Variants in NRXN3 observed in about 807,000 individuals in gnomAD.
The protein encoded by NRXN3 is neurexin III.
NRXN3 carries 32 observed loss-of-function variants against 137.6 expected under a neutral mutation model. The ratio of observed to expected loss-of-function variants is 0.23; its 90% CI spans 0.18 to 0.31. The LOEUF (loss-of-function observed/expected upper bound fraction) is 0.31. NRXN3 is among the 10% of genes least tolerant of loss of function. The probability of loss-of-function intolerance (pLI) is 1.00; values close to 1 mark genes in which losing one functional copy is unlikely to be tolerated. For synonymous variants in NRXN3, 798 were observed against 784.5 expected, an observed-to-expected ratio of 1.02 and a Z score of -0.29; for missense variants, 1,574 against 2,062.5, an observed-to-expected ratio of 0.76 and a Z score of 4.59.
intron 4 of NRXN3, among the ~76,000 whole-genome samples, chr14:78,546,512 TA>T (rs963256721): frequency 6.6e-6 from 1 of 152,230 alleles, no homozygotes; most frequent in African/African-American, 2.4e-5. Flanking sequence ...TGTCTGTTTT[TA>T]ACTTTCACAT....
At chr14:79,694,023 A>G (rs929486888) in intron 18 of NRXN3, among the ~76,000 whole-genome samples, 5 of 151,946 alleles carry the variant, frequency 3.3e-5, no homozygotes, top group Admixed American at 3.3e-4. Context: ...TATACCAAAG[A>G]CTTGTAAAGA....
intron 2 of NRXN3, among the ~76,000 whole-genome samples, chr14:78,259,927 T>C (rs2070400027): frequency 6.6e-6 from 1 of 152,216 alleles, no homozygotes; most frequent in Non-Finnish European, 1.5e-5. Flanking sequence ...TTCATTTTTC[T>C]AAGCAGAAGA....
chr14:78,853,133 A>G (rs2099047520), intron 10 of NRXN3, among the ~76,000 whole-genome samples: 1 of 152,060 alleles, frequency 6.6e-6, no homozygotes, highest in Non-Finnish European at 1.5e-5. Flanking sequence ...TTTGTTACAT[A>G]TGTATACATG....
intron 19 of NRXN3, among the ~76,000 whole-genome samples, chr14:79,794,999 A>C (rs746906287): frequency 6.6e-6 from 1 of 152,224 alleles, no homozygotes; most frequent in Non-Finnish European, 1.5e-5. Context: ...AGAGCAGAGC[A>C]TACAACCTAA....
intron 8 of NRXN3, among the ~76,000 whole-genome samples, chr14:78,789,798 C>T (rs555522314): frequency 6.6e-6 from 1 of 152,228 alleles, no homozygotes; most frequent in South Asian, 2.1e-4. Flanking sequence ...GCTCTTTACT[C>T]TTATATTCTT....
At chr14:78,179,404 T>C (rs1043640404) in intron 1 of NRXN3, among the ~76,000 whole-genome samples, 2 of 152,194 alleles carry the variant, frequency 1.3e-5, no homozygotes, top group African/African-American at 4.8e-5. Flanking sequence ...TGCAGTCCCA[T>C]TGAAGACTGT....
intron 15 of NRXN3, chr14:79,279,622 TGG>T (rs2080920383): frequency 1.0e-6 from 1 of 987,110 alleles, no homozygotes; most frequent in South Asian, 4.7e-5. Flanking sequence ...CTGCTGCTGC[TGG>T]TTTTCATCCA....
rs556613996 is a variant in NRXN3 at position 79,785,737 on chromosome 14, G to C, written c.4015-19375G>C. Among the ~76,000 whole-genome samples the C allele has an allele frequency of 1.6e-3, 242 of 152,210 alleles. 1 individual carries two copies. The highest frequency in any genetic ancestry group is 5.7e-3 in the African/African-American group (235 of 41,534). The stretch of plus-strand genomic sequence containing the variant: ...CAAAGCATTAGCTCCAAAAAGAAAG[G>C]TTGAATGAATGATTGGTGAGTCATC... On this transcript the variant is annotated intron_variant, in intron 19 of 20. Transcript: ENST00000335750.
At chr14:78,227,403 A>C (rs181946625) in intron 1 of NRXN3, among the ~76,000 whole-genome samples, 1 of 152,084 alleles carries the variant, frequency 6.6e-6, no homozygotes, top group African/African-American at 2.4e-5. Context: ...GAGTTACTTT[A>C]TACACATTAG....
intron 15 of NRXN3, among the ~76,000 whole-genome samples, chr14:79,289,275 T>C (rs1432513652): frequency 6.6e-6 from 1 of 152,208 alleles, no homozygotes; most frequent in Admixed American, 6.5e-5. Flanking sequence ...ATCCAGATTA[T>C]GTCCTGCAGG....
chr14:79,216,227 T>A (rs948824252), intron 15 of NRXN3, among the ~76,000 whole-genome samples: 1 of 152,172 alleles, frequency 6.6e-6, no homozygotes, highest in African/African-American at 2.4e-5. Flanking sequence ...GGCTTTTCCA[T>A]GTGGCTCAGG....
chr14:78,905,171 T>G (rs2099211543), intron 10 of NRXN3, among the ~76,000 whole-genome samples: 1 of 152,056 alleles, frequency 6.6e-6, no homozygotes. Context: ...TGTGCCTATT[T>G]CTGCCTCCTT....
intron 15 of NRXN3, among the ~76,000 whole-genome samples, chr14:79,036,272 T>C (rs908682241): frequency 1.3e-5 from 2 of 152,108 alleles, no homozygotes; most frequent in African/African-American, 4.8e-5. Context: ...TCTTTTAAAG[T>C]AACACCATGA....
At chr14:79,145,873 A>G (rs2059255707) in intron 15 of NRXN3, among the ~76,000 whole-genome samples, 1 of 152,190 alleles carries the variant, frequency 6.6e-6, no homozygotes, top group Admixed American at 6.5e-5. Context: ...AGATTTATTA[A>G]TACCTTCATG....
At chr14:79,420,949 G>C (rs561098352) in intron 15 of NRXN3, among the ~76,000 whole-genome samples, 1 of 152,232 alleles carries the variant, frequency 6.6e-6, no homozygotes, top group East Asian at 1.9e-4. Flanking sequence ...CCTCTTCTGG[G>C]CTGAGATAAG....
chr14:78,957,306 G>C lies in NRXN3; in HGVS notation c.2340G>C (p.Arg780=), dbSNP rs1285599406. 1 of 1,614,050 alleles carries C rather than the reference G, an allele frequency of 6.2e-7. No individual in the cohort carries two copies. The highest frequency in any genetic ancestry group is 1.7e-5 in the Admixed American group (1 of 60,024). ...KLNDNEWHTV[R]VVRRGKSLKL... ...ATGACAACGAGTGGCACACCGTTCG[G>C]GTGGTGCGGAGAGGAAAAAGCCTTA... Residue 780 remains arginine (R), a synonymous_variant, in exon 11 of 21, where the codon CGG becomes CGC. Coordinates refer to ENST00000335750, the MANE Select transcript of NRXN3 (RefSeq NM_001330195.2).
chr14:78,771,940 T>C (rs112248851), intron 8 of NRXN3, among the ~76,000 whole-genome samples: 2,317 of 152,320 alleles, frequency 0.015, 25 homozygotes, highest in Admixed American at 0.028. Flanking sequence ...TGGGGATATT[T>C]ACATGTACAT....
chr14:78,624,208 T>A (rs1486925042), intron 4 of NRXN3, among the ~76,000 whole-genome samples: 1 of 152,222 alleles, frequency 6.6e-6, no homozygotes, highest in East Asian at 1.9e-4. Context: ...GAATTGGCAG[T>A]TGCTAGGTGA....
intron 10 of NRXN3, among the ~76,000 whole-genome samples, chr14:78,847,474 C>A (rs1361564586): frequency 6.6e-6 from 1 of 152,024 alleles, no homozygotes; most frequent in Non-Finnish European, 1.5e-5. Flanking sequence ...GTACTCTTAG[C>A]TTTGTGTGGC....
Sources: allele counts gnomAD v4.1 joint callset (sites outside exome capture counted in the v4.1 genomes callset), GRCh38; gene constraint gnomAD v4.1.1; transcripts MANE v1.5; gene names NCBI Gene and HGNC (gene_info 2026-07-23, HGNC 2026-07-21).